DCC: variants seen among roughly 807,000 people sequenced by gnomAD.
DCC encodes the protein DCC netrin 1 receptor.
DCC carries 58 observed loss-of-function variants against 172.5 expected under a neutral mutation model. The observed-to-expected ratio is 0.34, with a 90% CI of 0.27 to 0.42. The LOEUF is 0.42. Ranked by LOEUF, DCC falls within the 10% of genes least tolerant of loss-of-function variation. The pLI, the probability that DCC is intolerant of heterozygous loss-of-function variation, is 1.00. For missense variants in DCC, 1,740 were observed against 1,791.0 expected, an observed-to-expected ratio of 0.97 and a Z score of 0.51; for synonymous variants, 709 against 644.5, an observed-to-expected ratio of 1.10 and a Z score of -1.52.
intron 1 of DCC, among the ~76,000 whole-genome samples, chr18:52,591,177 A>G (rs1455422159): frequency 1.3e-5 from 2 of 152,212 alleles, no homozygotes; most frequent in Non-Finnish European, 2.9e-5. Context: ...CTAATCCAAT[A>G]TAGGAAAATT....
chr18:52,941,440 C>A (rs921788254), intron 5 of DCC, among the ~76,000 whole-genome samples: 51 of 151,730 alleles, frequency 3.4e-4, no homozygotes, highest in African/African-American at 1.2e-3. Flanking sequence ...ATGACTAATA[C>A]CGTATTATAG....
At chr18:53,121,759 CTGTT>C (rs957319021) in intron 7 of DCC, among the ~76,000 whole-genome samples, 72 of 151,954 alleles carry the variant, frequency 4.7e-4, no homozygotes, top group African/African-American at 1.5e-3. Flanking sequence ...AATAATAAAT[CTGTT>C]TGGGGTACAT....
intron 22 of DCC, among the ~76,000 whole-genome samples, chr18:53,436,974 A>G (rs1419337113): frequency 1.3e-5 from 2 of 152,146 alleles, no homozygotes; most frequent in African/African-American, 4.8e-5. Context: ...TTCTAAAATA[A>G]GGGCACTAAT....
chr18:52,578,131 AT>A (rs1211214675), intron 1 of DCC, among the ~76,000 whole-genome samples: 1 of 152,184 alleles, frequency 6.6e-6, no homozygotes, highest in African/African-American at 2.4e-5. Context: ...GGATGGCAGT[AT>A]TTAGGTGGGG....
At chr18:53,058,707 T>C (rs1470109487) in intron 5 of DCC, among the ~76,000 whole-genome samples, 1 of 152,178 alleles carries the variant, frequency 6.6e-6, no homozygotes, top group Admixed American at 6.6e-5. Flanking sequence ...AGTTACATAT[T>C]GATTTCATGT....
chr18:53,117,777 T>G (rs963329311), intron 7 of DCC, among the ~76,000 whole-genome samples: 4 of 151,726 alleles, frequency 2.6e-5, no homozygotes, highest in Non-Finnish European at 5.9e-5. Context: ...TTCAGGCAAA[T>G]GCAGCCACAG....
chr18:53,385,210 A>C (rs1908077386), intron 15 of DCC, among the ~76,000 whole-genome samples: 1 of 152,106 alleles, frequency 6.6e-6, no homozygotes, highest in African/African-American at 2.4e-5. Context: ...TCAGCAAACT[A>C]CAGGTTACAA....
intron 24 of DCC, among the ~76,000 whole-genome samples, chr18:53,466,152 T>C (rs1035448616): frequency 2.0e-5 from 3 of 152,196 alleles, no homozygotes; most frequent in Non-Finnish European, 2.9e-5. Flanking sequence ...CAGACTGGTC[T>C]CAAAACATCC....
chr18:52,686,608 C>T (rs141629700), intron 1 of DCC, among the ~76,000 whole-genome samples: 130 of 152,190 alleles, frequency 8.5e-4, no homozygotes, highest in African/African-American at 2.8e-3. Context: ...ATTCAGAACC[C>T]CATTAGATCC....
intron 14 of DCC, among the ~76,000 whole-genome samples, chr18:53,329,252 C>G (rs4450475): frequency 6.6e-6 from 1 of 151,764 alleles, no homozygotes; most frequent in African/African-American, 2.4e-5. Context: ...TAAAAACTTC[C>G]TACAATTTCT....
chr18:52,762,898 C>T (rs529023439), intron 2 of DCC, among the ~76,000 whole-genome samples: 23 of 152,234 alleles, frequency 1.5e-4, no homozygotes, highest in African/African-American at 4.1e-4. Context: ...GCATATTTCC[C>T]GTGATGATCT....
chr18:52,491,924 A>G (rs1178299962), intron 1 of DCC, among the ~76,000 whole-genome samples: 1 of 151,910 alleles, frequency 6.6e-6, no homozygotes, highest in Non-Finnish European at 1.5e-5. Context: ...GTGGTCTTCT[A>G]GGGGTGGTGT....
intron 21 of DCC, among the ~76,000 whole-genome samples, chr18:53,416,800 T>C (rs1183715891): frequency 6.6e-6 from 1 of 152,100 alleles, no homozygotes; most frequent in African/African-American, 2.4e-5. Flanking sequence ...TAAATAAGAG[T>C]TATCCATCAA....
intron 21 of DCC, among the ~76,000 whole-genome samples, chr18:53,433,791 T>C (rs889235147): frequency 1.3e-5 from 2 of 152,156 alleles, no homozygotes; most frequent in African/African-American, 4.8e-5. Flanking sequence ...TACACACACA[T>C]AGGAGCCTGC....
At chr18:53,419,285 A>G (rs1910495626) in intron 21 of DCC, among the ~76,000 whole-genome samples, 1 of 152,178 alleles carries the variant, frequency 6.6e-6, no homozygotes, top group Non-Finnish European at 1.5e-5. Flanking sequence ...TTATCTGTTG[A>G]CTTACAAACA....
At chr18:52,825,062 C>A (rs546801877) in intron 2 of DCC, among the ~76,000 whole-genome samples, 7 of 152,108 alleles carry the variant, frequency 4.6e-5, no homozygotes, top group African/African-American at 1.7e-4. Flanking sequence ...TGAAGATAAG[C>A]AAGATAAAGA....
At chr18:53,128,868 C>CATATATATATATATATATATATAT (rs1461421322) in intron 7 of DCC, among the ~76,000 whole-genome samples, 1 of 57,418 alleles carries the variant, frequency 1.7e-5, no homozygotes, top group Non-Finnish European at 3.2e-5. Context: ...CACACACACA[C>CATATATATATATATATATATATAT]ACATATATAT....
rs542214714 is a variant in DCC, at chr18:53,351,317, A to G, written c.2359+11410A>G. 2.6e-3 allele frequency among the ~76,000 whole-genome samples: 62 copies of G among 23,938 alleles called. 2 individuals carry two copies. The East Asian group carries it at 0.13, about 50-fold the overall frequency. The allele number at this position is 23,938 out of a possible 152,430, so 15.7% of individuals were successfully genotyped here. Reference sequence around the variant, plus strand: ...TATATATATATATATATATATATACACTGTATATATATATACAGTGTATAT... The same window carrying G: ...TATATATATATATATATATATATACGCTGTATATATATATACAGTGTATAT... On this transcript the variant is annotated intron_variant, in intron 15 of 28. Transcript: ENST00000442544.
chr18:52,562,218 G>C (rs894119900), intron 1 of DCC, among the ~76,000 whole-genome samples: 1 of 152,164 alleles, frequency 6.6e-6, no homozygotes, highest in African/African-American at 2.4e-5. Context: ...GGTGAGTTAG[G>C]ATTTTACCTT....
Sources: allele counts gnomAD v4.1 joint callset (sites outside exome capture counted in the v4.1 genomes callset), GRCh38; gene constraint gnomAD v4.1.1; transcripts MANE v1.5; gene names NCBI Gene and HGNC (gene_info 2026-07-23, HGNC 2026-07-21).